FBXW2: variants seen among roughly 807,000 people sequenced by gnomAD.
FBXW2 encodes the protein F-box and WD repeat domain containing 2, also known as F-box/WD repeat-containing protein 2.
FBXW2 carries 12 observed loss-of-function variants against 46.0 expected under a neutral mutation model. The observed-to-expected ratio is 0.26, with a 90% confidence interval of 0.17 to 0.42. The LOEUF is 0.42. Among genes scored for constraint, FBXW2 ranks in the 10% least tolerant of loss-of-function variants. FBXW2 has a pLI of 1.00. For missense variants in FBXW2, 360 were observed against 537.0 expected (o/e 0.67, Z 3.26); for synonymous variants, 203 against 209.6 (o/e 0.97, Z 0.27).
At chr9:120,768,627 CCT>C (rs2044316851) in intron 7 of FBXW2, among the ~76,000 whole-genome samples, 1 of 152,072 alleles carries the variant, frequency 6.6e-6, no homozygotes, top group African/African-American at 2.4e-5. Flanking sequence ...TTGAGACCAG[CCT>C]GGCCAACAGG....
Position 120,759,086 on chromosome 9 carries a change from G to A in FBXW2, c.*5473C>T, listed in dbSNP as rs1444958331. The A allele has an allele frequency of 6.6e-6, 1 of 152,132 alleles. No individual in the cohort carries two copies. Among genetic ancestry groups the A allele is most frequent in the African/African-American group, 2.4e-5 (1 of 41,426 alleles). 9.4% of individuals were successfully genotyped at this position (152,132 alleles called of 1,614,324 possible). A position where few individuals can be genotyped will look rare whatever the true frequency, so the allele number is the denominator to read the frequency against. ...CAGAGCCACCTCAGATCACTCAAGG[G>A]GTTGTTCTATTTTCAAAAACACACT... On this transcript the variant is annotated 3_prime_UTR_variant, in exon 8 of 8. Coordinates refer to ENST00000608872, the MANE Select transcript of FBXW2 (RefSeq NM_012164.4).
At chr9:120,776,264 T>C in intron 4 of FBXW2, 38 bp from the exon 5 acceptor site, 1 of 1,603,072 alleles carries the variant, frequency 6.2e-7, no homozygotes, top group Non-Finnish European at 8.5e-7. Context: ...AACATGTCTC[T>C]GTCAGTGGGT....
chr9:120,789,869 T>G (rs1273530829), intron 2 of FBXW2, among the ~76,000 whole-genome samples: 2 of 152,228 alleles, frequency 1.3e-5, no homozygotes, highest in African/African-American at 4.8e-5. Flanking sequence ...CTAACAGTTT[T>G]GATTTCTGGA....
intron 6 of FBXW2, among the ~76,000 whole-genome samples, chr9:120,772,271 G>T (rs571522343): frequency 6.6e-6 from 1 of 151,444 alleles, no homozygotes; most frequent in African/African-American, 2.4e-5. Context: ...AAGGCAGGCG[G>T]ATCACAAGGT....
Position 120,764,618 on chromosome 9 carries a change from AG to A in FBXW2, c.1305del (p.Phe436LeufsTer27). 1 of 1,614,196 alleles carries A rather than the reference AG, an allele frequency of 6.2e-7. No homozygotes were observed. Among genetic ancestry groups the A allele is most frequent in the Non-Finnish European group, 8.5e-7 (1 of 1,180,028 alleles). On this transcript the variant is annotated frameshift_variant, in exon 8 of 8. Transcript: ENST00000608872. LOFTEE classifies it high-confidence loss of function. ...GLDGHNDTGL[V>X]FATSMPDHSI... ...CTGTGGTCAGGCATGCTGGTGGCAAAGACCAAGCCCGTGTCATTGTGCCCAT... is the reference window on the plus strand; with the variant it reads ...CTGTGGTCAGGCATGCTGGTGGCAAAACCAAGCCCGTGTCATTGTGCCCAT...
chr9:120,788,145 T>C lies in FBXW2; in HGVS notation c.114A>G (p.Ala38=), dbSNP rs1285864143. The part of the protein sequence containing the change: ...TLDHLISLSG[A]VQLRHLSNNL... Reference sequence around the variant, plus strand: ...TATTGGAGAGATGCCTGAGCTGGACTGCCCCACTCAGACTAATCAGGTGAT... The same window carrying C: ...TATTGGAGAGATGCCTGAGCTGGACCGCCCCACTCAGACTAATCAGGTGAT... The change falls in exon 3 of 8, where the codon GCA becomes GCG. Residue 38 remains alanine, a synonymous_variant. Coordinates refer to ENST00000608872, the MANE Select transcript of FBXW2 (RefSeq NM_012164.4). 1 of 1,614,196 alleles carries C rather than the reference T, an allele frequency of 6.2e-7. No individual in the cohort carries two copies. Among genetic ancestry groups the C allele is most frequent in the Admixed American group, 1.7e-5 (1 of 60,024 alleles).
At chr9:120,787,622 G>A (rs1466452465) in intron 3 of FBXW2, 147 bp downstream of exon 3, 2 of 720,376 alleles carry the variant, frequency 2.8e-6, no homozygotes, top group Non-Finnish European at 4.4e-6. Context: ...GGATAAGGGG[G>A]GGGAACCACT....
At chr9:120,773,291 A>G (rs1178863075) in intron 5 of FBXW2, among the ~76,000 whole-genome samples, 1 of 152,188 alleles carries the variant, frequency 6.6e-6, no homozygotes, top group East Asian at 1.9e-4. Context: ...AATGTAACTT[A>G]AGAGAGGGAA....
At chr9:120,788,933 T>A (rs1252050437) in intron 2 of FBXW2, among the ~76,000 whole-genome samples, 1 of 152,160 alleles carries the variant, frequency 6.6e-6, no homozygotes, top group African/African-American at 2.4e-5. Context: ...ACTGCCTGTT[T>A]AGAACATGAA....
At chr9:120,793,010 T>C (rs139164576) in intron 2 of FBXW2, 139 bp downstream of exon 2, 1 of 1,504,522 alleles carries the variant, frequency 6.6e-7, no homozygotes, top group African/African-American at 1.4e-5. Context: ...TTAACTCATT[T>C]CGCAGCTAAG....
Position 120,772,858 on chromosome 9 carries a change from G to C in FBXW2, c.820-18C>G. On this transcript the variant is annotated intron_variant, in intron 5 of 7. Transcript: ENST00000608872. ...AAAACTACCTGCAAATGTAAACCAT[G>C]TTACGGAAAGATCCTTTTAATGCTG... The C allele has an allele frequency of 6.4e-7, 1 of 1,554,838 alleles. No homozygotes were observed. Among genetic ancestry groups the C allele is most frequent in the Non-Finnish European group, 8.9e-7 (1 of 1,128,002 alleles).
chr9:120,779,222 TCTATA>T (rs1167190471), intron 3 of FBXW2, among the ~76,000 whole-genome samples: 1 of 152,222 alleles, frequency 6.6e-6, no homozygotes, highest in Non-Finnish European at 1.5e-5. Flanking sequence ...TGATGAAAAT[TCTATA>T]CTAATCATGG....
In FBXW2 at chr9:120,771,437, C is replaced by T. The variant is rs1211610226; in HGVS notation, c.987G>A (p.Gln329=). 3 of 1,614,184 alleles carry T rather than the reference C, an allele frequency of 1.9e-6. No individual in the cohort carries two copies. ...SVSEDRSICL[Q]PRLHFDGKYI... is the part of the protein sequence containing the mutation. ...ATTTGCCATCAAAATGAAGTCTTGG[C>T]TGCAGGCAGATACTTCTATCCTCAG... The change falls in exon 7 of 8, where the codon CAG becomes CAA. Residue 329 remains glutamine (Q), a synonymous_variant. Coordinates refer to ENST00000608872, the MANE Select transcript of FBXW2 (RefSeq NM_012164.4).
intron 3 of FBXW2, among the ~76,000 whole-genome samples, chr9:120,781,673 C>CAT (rs2044616547): frequency 3.5e-5 from 5 of 143,828 alleles, no homozygotes; most frequent in South Asian, 2.2e-4. Flanking sequence ...CACACACACA[C>CAT]ACATACACAC....
chr9:120,790,702 A>G (rs2131384204), intron 2 of FBXW2, among the ~76,000 whole-genome samples: 1 of 152,350 alleles, frequency 6.6e-6, no homozygotes, highest in South Asian at 2.1e-4. Context: ...ACTCATTAAA[A>G]TATTATCAGG....
At chr9:120,790,303 T>C (rs1564465119) in intron 2 of FBXW2, among the ~76,000 whole-genome samples, 1 of 151,952 alleles carries the variant, frequency 6.6e-6, no homozygotes, top group Non-Finnish European at 1.5e-5. Context: ...GCTAACACAG[T>C]GAAACCCCAT....
rs2044234386 is a variant in FBXW2, at chr9:120,764,170, G to C, written c.*389C>G. On this transcript the variant is annotated 3_prime_UTR_variant, in exon 8 of 8. Transcript: ENST00000608872. ...TGCTTCAACTTCAAAAGAAAAAAAG[G>C]CTATGGTAAAAAGCTTTAATAACAG... 1 of 388,052 alleles carries C rather than the reference G, an allele frequency of 2.6e-6. No homozygotes were observed. Among genetic ancestry groups the C allele is most frequent in the Non-Finnish European group, 4.5e-6 (1 of 220,012 alleles). 24.0% of individuals were successfully genotyped at this position (388,052 alleles called of 1,614,324 possible).
intron 7 of FBXW2, among the ~76,000 whole-genome samples, chr9:120,765,673 T>C (rs939083433): frequency 6.6e-6 from 1 of 152,192 alleles, no homozygotes; most frequent in Non-Finnish European, 1.5e-5. Flanking sequence ...AAAGTGCTAC[T>C]CTACTCAGCA....
chr9:120,764,788 G>C lies in FBXW2; in HGVS notation c.1136C>G (p.Ala379Gly). The part of the protein sequence containing the change: ...LALLGFGDIF[A>G]LLFDNRYLYI... Reference sequence around the variant, plus strand: ...CAGGTAGCGGTTGTCAAACAGCAGGGCAAAGATATCTCCAAAGCCAAGCAA... The same window carrying C: ...CAGGTAGCGGTTGTCAAACAGCAGGCCAAAGATATCTCCAAAGCCAAGCAA... Residue 379 changes from alanine to glycine, a missense_variant, in exon 8 of 8, where the codon GCC becomes GGC. Physicochemically the swap from Ala to Gly is moderately conservative, Grantham distance 60. Coordinates refer to ENST00000608872, the MANE Select transcript of FBXW2 (RefSeq NM_012164.4). 6.2e-7 allele frequency: 1 copy of C among 1,612,202 alleles called. No individual in the cohort carries two copies. The highest frequency in any genetic ancestry group is 2.2e-5 in the East Asian group (1 of 44,868).
Sources: allele counts gnomAD v4.1 joint callset (sites outside exome capture counted in the v4.1 genomes callset), GRCh38; gene constraint gnomAD v4.1.1; transcripts MANE v1.5; gene names NCBI Gene and HGNC (gene_info 2026-07-23, HGNC 2026-07-21).